The following ARHGEF7 variants were observed in gnomAD, a reference collection of about 807,000 sequenced individuals.
ARHGEF7 encodes the protein Rho guanine nucleotide exchange factor 7, also known as PAK-interacting exchange factor beta.
Under a neutral mutation model 109.8 loss-of-function variants are expected in ARHGEF7, and 33 were observed. The ratio of observed to expected loss-of-function variants is 0.30; its 90% CI spans 0.23 to 0.40. The LOEUF is 0.40. Ranked by LOEUF, ARHGEF7 falls within the 10% of genes least tolerant of loss-of-function variation. ARHGEF7 has a pLI of 1.00. For synonymous variants in ARHGEF7, 458 were observed against 424.6 expected (o/e 1.08, Z -0.97); for missense variants, 938 against 1,098.5 (o/e 0.85, Z 2.07).
intron 2 of ARHGEF7, among the ~76,000 whole-genome samples, chr13:111,165,373 C>T (rs1043243705): frequency 6.6e-6 from 1 of 152,202 alleles, no homozygotes; most frequent in Admixed American, 6.5e-5. Context: ...TGCAGCTGGT[C>T]AGTTGGTCTC....
chr13:111,187,891 G>A (rs2153440200), intron 2 of ARHGEF7, among the ~76,000 whole-genome samples: 1 of 152,344 alleles, frequency 6.6e-6, no homozygotes, highest in African/African-American at 2.4e-5. Flanking sequence ...GAAAAACCTA[G>A]CACTCTGAGA....
At chr13:111,280,120 A>G (rs1462304487) in intron 13 of ARHGEF7, 152 bp from the exon 14 acceptor site, 11 of 727,338 alleles carry the variant, frequency 1.5e-5, no homozygotes, top group Admixed American at 2.9e-5. Context: ...TTTTTGTATT[A>G]TACACACATC....
chr13:111,292,401 CTGTTCCTTG>C, intron 19 of ARHGEF7, 107 bp downstream of exon 19: 1 of 1,543,308 alleles, frequency 6.5e-7, no homozygotes, highest in Non-Finnish European at 8.7e-7. Flanking sequence ...TGTTTTCTTG[CTGTTCCTTG>C]TCTCTTTTAT....
chr13:111,261,504 A>G lies in ARHGEF7; in HGVS notation c.951-6044A>G, dbSNP rs905161982. The stretch of plus-strand genomic sequence containing the variant: ...ACTAAAGATAAACCCCAATACAATA[A>G]TAGCTAGAGATGTCAACACACCACT... On this transcript the variant is annotated intron_variant, in intron 8 of 21. Transcript: ENST00000646102. Among the ~76,000 whole-genome samples the G allele has an allele frequency of 3.3e-5, 5 of 152,356 alleles. No individual in the cohort carries two copies. The South Asian group carries it at 1.0e-3, about 32-fold the overall frequency.
chr13:111,209,630 A>T (rs12869612), intron 3 of ARHGEF7, among the ~76,000 whole-genome samples: 48,713 of 152,146 alleles, frequency 0.32, 8,715 homozygotes, highest in Non-Finnish European at 0.4. Context: ...TGAAAATTAT[A>T]TTAGAGAAGA....
intron 1 of ARHGEF7, among the ~76,000 whole-genome samples, chr13:111,139,443 A>G (rs79328294): frequency 0.023 from 3,570 of 152,100 alleles, 42 homozygotes; most frequent in Middle Eastern, 0.041. Flanking sequence ...TGTCTCTCTC[A>G]TCTCTGAACT....
intron 1 of ARHGEF7, among the ~76,000 whole-genome samples, chr13:111,125,924 A>T (rs569630457): frequency 2.0e-5 from 3 of 152,212 alleles, no homozygotes; most frequent in Non-Finnish European, 2.9e-5. Context: ...AAATTGGGAG[A>T]TTCAGAGGAT....
rs534254588 is a variant in ARHGEF7, at chr13:111,215,824, G to A, written c.469-1855G>A. ...TGTGAGCCAGGCTGGCCGCACAGCT[G>A]CTGCCTCTGAGCCGCCTTCCATTGT... On this transcript the variant is annotated intron_variant, in intron 4 of 21. Coordinates refer to ENST00000646102, the MANE Select transcript of ARHGEF7 (RefSeq NM_001354046.2). 2.0e-5 allele frequency among the ~76,000 whole-genome samples: 3 copies of A among 152,194 alleles called. No individual in the cohort carries two copies. The South Asian group carries it at 6.2e-4, about 32-fold the overall frequency.
At chr13:111,164,746 A>G (rs1021735719) in intron 2 of ARHGEF7, among the ~76,000 whole-genome samples, 5 of 152,132 alleles carry the variant, frequency 3.3e-5, no homozygotes, top group African/African-American at 9.7e-5. Flanking sequence ...TGTTACCACC[A>G]TTTTCCTCAC....
chr13:111,117,165 T>C (rs1313581963), intron 1 of ARHGEF7, among the ~76,000 whole-genome samples: 1 of 152,224 alleles, frequency 6.6e-6, no homozygotes, highest in Admixed American at 6.5e-5. Context: ...GAGCAAAGCT[T>C]TAAGAAGTGT....
intron 8 of ARHGEF7, among the ~76,000 whole-genome samples, chr13:111,260,627 T>C (rs1462609617): frequency 6.6e-6 from 1 of 152,196 alleles, no homozygotes; most frequent in Non-Finnish European, 1.5e-5. Flanking sequence ...TTCTTCAATC[T>C]GAAAGAAAAT....
intron 6 of ARHGEF7, among the ~76,000 whole-genome samples, chr13:111,238,549 A>G (rs1036984386): frequency 2.6e-5 from 4 of 152,226 alleles, no homozygotes; most frequent in Admixed American, 2.6e-4. Context: ...GCTGTAGCCA[A>G]GGTGGCCTGA....
intron 5 of ARHGEF7, among the ~76,000 whole-genome samples, chr13:111,232,373 C>T (rs541307853): frequency 1.2e-4 from 18 of 152,172 alleles, no homozygotes; most frequent in African/African-American, 3.1e-4. Context: ...CAGACCCACC[C>T]GCACAGCCAG....
chr13:111,245,078 C>T (rs961347726), intron 8 of ARHGEF7, among the ~76,000 whole-genome samples: 6 of 152,176 alleles, frequency 3.9e-5, no homozygotes, highest in African/African-American at 9.7e-5. Flanking sequence ...GTGTGACGTG[C>T]GGTCAGGCGC....
intron 1 of ARHGEF7, among the ~76,000 whole-genome samples, chr13:111,153,172 G>T (rs2075986681): frequency 6.6e-6 from 1 of 152,244 alleles, no homozygotes; most frequent in Non-Finnish European, 1.5e-5. Flanking sequence ...CGCTCTCCAT[G>T]AGCCTAGGCT....
intron 2 of ARHGEF7, among the ~76,000 whole-genome samples, chr13:111,184,117 G>A (rs1412019420): frequency 6.6e-6 from 1 of 152,154 alleles, no homozygotes; most frequent in African/African-American, 2.4e-5. Context: ...TCTCATGATC[G>A]TGAATTAGTT....
At position 111,239,600 on chromosome 13, in the gene ARHGEF7, C is replaced by A. The variant is rs118130793; in HGVS notation, c.760-4272C>A. Reference sequence around the variant, plus strand: ...ACCTCAATGAAGATTTCTGTTAAATCTTTTGACTCCTGAAGTCTCTGCTTG... The same window carrying A: ...ACCTCAATGAAGATTTCTGTTAAATATTTTGACTCCTGAAGTCTCTGCTTG... On this transcript the variant is annotated intron_variant, in intron 6 of 21. Coordinates refer to ENST00000646102, the MANE Select transcript of ARHGEF7 (RefSeq NM_001354046.2). The surrounding 1 kb of genome is among the most constrained non-coding windows in gnomAD (Gnocchi z 4.3). 6.6e-6 allele frequency among the ~76,000 whole-genome samples: 1 copy of A among 152,052 alleles called. No individual in the cohort carries two copies. The highest frequency in any genetic ancestry group is 1.9e-4 in the East Asian group (1 of 5,176).
intron 19 of ARHGEF7, 109 bp downstream of exon 19, chr13:111,292,403 G>T: frequency 1.3e-6 from 2 of 1,538,034 alleles, no homozygotes; most frequent in South Asian, 1.3e-5. Flanking sequence ...TTTTCTTGCT[G>T]TTCCTTGTCT....
At chr13:111,164,251 A>C (rs1188966256) in intron 2 of ARHGEF7, among the ~76,000 whole-genome samples, 1 of 152,218 alleles carries the variant, frequency 6.6e-6, no homozygotes. Context: ...TTCAGAAGTC[A>C]CAGGTCCCGG....
Sources: gnomAD v4.1 joint callset for allele counts (sites outside exome capture counted in the v4.1 genomes callset) on GRCh38, gnomAD v4.1.1 for gene constraint, Gnocchi (gnomAD v3.1) non-coding constraint, MANE v1.5 for transcripts, NCBI Gene and HGNC (gene_info 2026-07-23, HGNC 2026-07-21) for gene names.